CEP97: variants seen among roughly 807,000 people sequenced by gnomAD.
CEP97 encodes the protein centrosomal protein of 97 kDa.
A neutral mutation model predicts 73.1 loss-of-function variants in CEP97; 43 were observed. That is an observed-to-expected ratio of 0.59 (90% CI 0.46 to 0.76). The LOEUF (loss-of-function observed/expected upper bound fraction) is 0.76. Ranked by LOEUF, CEP97 falls within the 30% of genes least tolerant of loss-of-function variation. The pLI, the probability that CEP97 is intolerant of heterozygous loss-of-function variation, is 0.00. For synonymous variants in CEP97, 337 were observed against 370.0 expected, an observed-to-expected ratio of 0.91 and a Z score of 1.02; for missense variants, 939 against 1,014.0, an observed-to-expected ratio of 0.93 and a Z score of 1.00.
chr3:101,748,498 G>A (rs184911181), intron 6 of CEP97, among the ~76,000 whole-genome samples: 3 of 152,190 alleles, frequency 2.0e-5, no homozygotes, highest in African/African-American at 4.8e-5. Context: ...TAAAGTTGGC[G>A]ATTGTCTTCT....
intron 1 of CEP97, among the ~76,000 whole-genome samples, chr3:101,725,880 T>G (rs570124477): frequency 6.6e-6 from 1 of 151,926 alleles, no homozygotes; most frequent in African/African-American, 2.4e-5. Flanking sequence ...TTTTTTTGTT[T>G]TTTTTTTTAC....
At chr3:101,742,046 AAAAAAAAAC>A (rs1162074807) in intron 6 of CEP97, among the ~76,000 whole-genome samples, 1 of 137,842 alleles carries the variant, frequency 7.3e-6, no homozygotes, top group Non-Finnish European at 1.6e-5. Flanking sequence ...CGTCTCAAAA[AAAAAAAAAC>A]AAAAAAACAA....
intron 7 of CEP97, among the ~76,000 whole-genome samples, chr3:101,756,543 A>AT: frequency 6.6e-6 from 1 of 151,272 alleles, no homozygotes; most frequent in African/African-American, 2.4e-5. Context: ...GCCTCGGCTA[A>AT]TTTTTTATAT....
intron 6 of CEP97, among the ~76,000 whole-genome samples, chr3:101,738,247 G>A (rs528919454): frequency 6.6e-6 from 1 of 152,182 alleles, no homozygotes; most frequent in African/African-American, 2.4e-5. Context: ...CACAATAATA[G>A]TGGGAGACTT....
chr3:101,738,045 C>CA (rs1161556513), intron 6 of CEP97, among the ~76,000 whole-genome samples: 7 of 119,440 alleles, frequency 5.9e-5, no homozygotes, highest in Non-Finnish European at 1.2e-4. Context: ...GCAGGGGTTA[C>CA]AATCATAGTC....
At chr3:101,728,668 A>C in intron 3 of CEP97, 168 bp from the exon 4 acceptor site, 1 of 594,296 alleles carries the variant, frequency 1.7e-6, no homozygotes, top group Non-Finnish European at 3.0e-6. Context: ...ACAACCTGAC[A>C]ATCTACTAAA....
intron 4 of CEP97, among the ~76,000 whole-genome samples, chr3:101,731,535 G>A (rs1938111728): frequency 6.6e-6 from 1 of 152,136 alleles, no homozygotes; most frequent in South Asian, 2.1e-4. Flanking sequence ...ATGAAAAAGT[G>A]TGTTAGAAAT....
chr3:101,747,817 A>G (rs897519451), intron 6 of CEP97, among the ~76,000 whole-genome samples: 6 of 151,560 alleles, frequency 4.0e-5, no homozygotes, highest in South Asian at 4.2e-4. Context: ...TCATAATGCA[A>G]TGACTTGAAA....
rs773398957 is a variant in CEP97, at chr3:101,758,371, C to T, written c.1765C>T (p.Arg589Trp). Residue 589 changes from arginine (R) to tryptophan (W), a missense_variant, in exon 9 of 11, where the codon CGG becomes TGG. Arg to Trp is a moderately radical substitution (Grantham distance 101). Transcript: ENST00000341893. ...PQAKDVRYEI[R>W]LRRMQEHIVC... The stretch of plus-strand genomic sequence containing the variant: ...AGCCAAAGATGTGCGTTACGAAATC[C>T]GGCTACGCAGAATGCAAGAGCACAT... The T allele has an allele frequency of 1.4e-5, 22 of 1,613,994 alleles. No individual in the cohort carries two copies. The highest frequency in any genetic ancestry group is 5.0e-5 in the Admixed American group (3 of 59,988).
rs758215140 is a variant in CEP97 at position 101,732,485 on chromosome 3, C to T, written c.562-3C>T. 2.6e-5 allele frequency: 42 copies of T among 1,595,710 alleles called. No individual in the cohort carries two copies. The South Asian group carries it at 3.7e-4, about 14-fold the overall frequency. ...TGTTCAACAAAGATATCTTTTGTTC[C>T]AGATCTCTTTTTTGGCATCCTTAAC... is the stretch of plus-strand genomic sequence containing the variant. On this transcript the variant is annotated splice_region_variant and splice_polypyrimidine_tract_variant and intron_variant, in intron 5 of 10. Transcript: ENST00000341893.
chr3:101,735,522 G>A (rs1211541031), intron 6 of CEP97, among the ~76,000 whole-genome samples: 2 of 152,188 alleles, frequency 1.3e-5, no homozygotes, highest in African/African-American at 2.4e-5. Flanking sequence ...GGACTAGTTA[G>A]ACAGTGGGTG....
In CEP97 at chr3:101,727,333, T is replaced by A; in HGVS notation, c.187-50T>A. On this transcript the variant is annotated intron_variant, in intron 2 of 10. Transcript: ENST00000341893. ...CCTTTTAAATCACTTTAATGTGAAA[T>A]ATTTTATATATGTTATTCCTAAAAA... 5 of 1,475,030 alleles carry A rather than the reference T, an allele frequency of 3.4e-6. No homozygotes were observed. The South Asian group carries it at 6.1e-5, about 18-fold the overall frequency. The allele number at this position is 1,475,030 out of a possible 1,614,324, so 91.4% of individuals were successfully genotyped here. A position where few individuals can be genotyped will look rare whatever the true frequency, so the allele number is the denominator to read the frequency against.
chr3:101,748,244 T>G (rs1310626001), intron 6 of CEP97, among the ~76,000 whole-genome samples: 2 of 151,902 alleles, frequency 1.3e-5, no homozygotes, highest in Non-Finnish European at 2.9e-5. Context: ...TTTTGGTTTT[T>G]TTTTTACGTA....
At position 101,768,264 on chromosome 3, in the gene CEP97, G is replaced by C. The variant is rs1939366866; in HGVS notation, c.*2713G>C. The C allele has an allele frequency of 6.6e-6, 1 of 152,190 alleles. No homozygotes were observed. Among genetic ancestry groups the C allele is most frequent in the Admixed American group, 6.5e-5 (1 of 15,268 alleles). 9.4% of individuals were successfully genotyped at this position (152,190 alleles called of 1,614,324 possible). ...AAATGACTTGTCTAAGTTATAGCTA[G>C]TTAGTAGTAAATAAACTGAAAACCT... On this transcript the variant is annotated 3_prime_UTR_variant, in exon 11 of 11. Coordinates refer to ENST00000341893, the MANE Select transcript of CEP97 (RefSeq NM_024548.4).
At position 101,762,566 on chromosome 3, in the gene CEP97, C is replaced by T; in HGVS notation, c.1893+6C>T. Reference sequence around the variant, plus strand: ...TCAGATTCCTTTGGAACCAGGTAAACTCCCTCCTGCTGATTTACCTCATAT... The same window carrying T: ...TCAGATTCCTTTGGAACCAGGTAAATTCCCTCCTGCTGATTTACCTCATAT... On this transcript the variant is annotated splice_donor_region_variant and intron_variant, in intron 10 of 10. Coordinates refer to ENST00000341893, the MANE Select transcript of CEP97 (RefSeq NM_024548.4). 6.3e-7 allele frequency: 1 copy of T among 1,596,078 alleles called. No individual in the cohort carries two copies. The highest frequency in any genetic ancestry group is 8.6e-7 in the Non-Finnish European group (1 of 1,168,322).
Position 101,767,289 on chromosome 3 carries a change from CAT to C in CEP97, c.*1739_*1740del, listed in dbSNP as rs542298347. On this transcript the variant is annotated 3_prime_UTR_variant, in exon 11 of 11. Coordinates refer to ENST00000341893, the MANE Select transcript of CEP97 (RefSeq NM_024548.4). ...TTCAGAAGGATTTTCCTTAGTGAAACATGTGTAACATTGAATGCATGTTAAAT... is the reference window on the plus strand; with the variant it reads ...TTCAGAAGGATTTTCCTTAGTGAAACGTGTAACATTGAATGCATGTTAAAT... 2.6e-4 allele frequency: 39 copies of C among 152,216 alleles called. No homozygotes were observed. The highest frequency in any genetic ancestry group is 5.5e-4 in the African/African-American group (23 of 41,526). 9.4% of individuals were successfully genotyped at this position (152,216 alleles called of 1,614,324 possible). A position where few individuals can be genotyped will look rare whatever the true frequency, so the allele number is the denominator to read the frequency against.
At chr3:101,750,582 A>C (rs1358072521) in intron 6 of CEP97, among the ~76,000 whole-genome samples, 1 of 152,150 alleles carries the variant, frequency 6.6e-6, no homozygotes, top group African/African-American at 2.4e-5. Context: ...TATTGCCACA[A>C]TTTCAGAGCC....
At position 101,763,290 on chromosome 3, in the gene CEP97, A is replaced by T. The variant is rs184269239; in HGVS notation, c.1893+730A>T. On this transcript the variant is annotated intron_variant, in intron 10 of 10. Coordinates refer to ENST00000341893, the MANE Select transcript of CEP97 (RefSeq NM_024548.4). ...GTTTTGTAGTTACCAACAATAGAGG[A>T]ATGGTTAAATTATAGAATAATAATA... 22 of 934,278 alleles carry T rather than the reference A, an allele frequency of 2.4e-5. No homozygotes were observed. In the African/African-American group the frequency reaches 3.3e-4, roughly 14 times the overall value. The allele number at this position is 934,278 out of a possible 1,614,324, so 57.9% of individuals were successfully genotyped here.
intron 3 of CEP97, among the ~76,000 whole-genome samples, chr3:101,728,265 T>G (rs1937965055): frequency 6.7e-6 from 1 of 149,092 alleles, no homozygotes; most frequent in African/African-American, 2.4e-5. Context: ...TTCTTTTGTT[T>G]TTTTTTTTTT....
Sources: allele counts gnomAD v4.1 joint callset (sites outside exome capture counted in the v4.1 genomes callset), GRCh38; gene constraint gnomAD v4.1.1; transcripts MANE v1.5; gene names NCBI Gene and HGNC (gene_info 2026-07-23, HGNC 2026-07-21).